ZNF438: variants seen among roughly 807,000 people sequenced by gnomAD.
The protein encoded by ZNF438 is zinc finger protein 438.
ZNF438 carries 25 observed loss-of-function variants against 38.0 expected under a neutral mutation model. That is an observed-to-expected ratio of 0.66 (90% CI 0.48 to 0.92). The LOEUF (loss-of-function observed/expected upper bound fraction) is 0.92, where lower values mean the gene tolerates loss of function less well. Among genes scored for constraint, ZNF438 ranks in the 40% least tolerant of loss-of-function variants. The pLI, the probability that ZNF438 is intolerant of heterozygous loss-of-function variation, is 0.00. For synonymous variants in ZNF438, 372 were observed against 364.1 expected, an observed-to-expected ratio of 1.02 and a Z score of -0.25; for missense variants, 1,007 against 999.6, an observed-to-expected ratio of 1.01 and a Z score of -0.10.
At chr10:30,938,616 C>T (rs2046499866) in intron 2 of ZNF438, among the ~76,000 whole-genome samples, 1 of 152,108 alleles carries the variant, frequency 6.6e-6, no homozygotes, top group Non-Finnish European at 1.5e-5. Flanking sequence ...TGAAATCCCA[C>T]CAGTATCCTT....
At chr10:30,881,422 CA>C (rs1564558975) in intron 3 of ZNF438, among the ~76,000 whole-genome samples, 2 of 151,930 alleles carry the variant, frequency 1.3e-5, no homozygotes, top group African/African-American at 4.8e-5. Context: ...ATAAGCCTGG[CA>C]AAGTATGTGA....
At chr10:30,858,019 T>C (rs2034963142) in intron 4 of ZNF438, among the ~76,000 whole-genome samples, 1 of 152,198 alleles carries the variant, frequency 6.6e-6, no homozygotes, top group East Asian at 1.9e-4. Flanking sequence ...TTCAACCTCT[T>C]CTGGTCGCTG....
At chr10:31,019,299 C>T (rs961215481) in intron 1 of ZNF438, among the ~76,000 whole-genome samples, 3 of 152,176 alleles carry the variant, frequency 2.0e-5, no homozygotes, top group Non-Finnish European at 2.9e-5. Flanking sequence ...ACCTCATCTC[C>T]TAATATTGTT....
intron 1 of ZNF438, among the ~76,000 whole-genome samples, chr10:31,024,565 T>C (rs1257528248): frequency 6.6e-6 from 1 of 152,106 alleles, no homozygotes; most frequent in Non-Finnish European, 1.5e-5. Flanking sequence ...GAGGCGGAGC[T>C]TGCAGTGAGC....
chr10:30,849,746 G>A, exon 5 of ZNF438: 1 of 1,614,196 alleles, frequency 6.2e-7, no homozygotes. Flanking sequence ...GGATGATGCT[G>A]GGGTAGCAGG....
In ZNF438 at chr10:31,018,374, G is replaced by A. The variant is rs147236069; in HGVS notation, c.-192+13459C>T. Among the ~76,000 whole-genome samples the A allele has an allele frequency of 3.3e-5, 5 of 152,244 alleles. No individual in the cohort carries two copies. In the East Asian group the frequency reaches 5.8e-4, roughly 18 times the overall value. On this transcript the variant is annotated intron_variant, in intron 1 of 5. Coordinates refer to ENST00000413025, the Ensembl canonical transcript of ZNF438. ...CCCTCTTGTAGTTACTGGCAAGGAC[G>A]AATCAACTCATATTAACAGTCTGAT...
chr10:30,934,159 G>GAAAAAAAA (rs34603319), intron 2 of ZNF438, among the ~76,000 whole-genome samples: 2 of 144,450 alleles, frequency 1.4e-5, no homozygotes, highest in Non-Finnish European at 3.0e-5. Context: ...AAAAGAAAAA[G>GAAAAAAAA]AAAAAAAAAA....
intron 2 of ZNF438, among the ~76,000 whole-genome samples, chr10:30,911,779 TCATTTTC>T (rs2043106003): frequency 6.6e-6 from 1 of 152,128 alleles, no homozygotes; most frequent in South Asian, 2.1e-4. Context: ...CATTTCACCT[TCATTTTC>T]CAAAGGAAAC....
At position 30,962,002 on chromosome 10, in the gene ZNF438, G is replaced by A. The variant is rs941578916; in HGVS notation, c.-191-20351C>T. On this transcript the variant is annotated intron_variant, in intron 1 of 5. Transcript: ENST00000413025. The stretch of plus-strand genomic sequence containing the variant: ...AAAGCTTGAAATAAGAAATTCTGTT[G>A]TAAAGTACTGGTTCTCTCCATCAGT... Among the ~76,000 whole-genome samples the A allele has an allele frequency of 1.4e-5, 2 of 146,336 alleles. 1 individual carries two copies. Among genetic ancestry groups the A allele is most frequent in the Non-Finnish European group, 3.1e-5 (2 of 64,648 alleles).
At chr10:30,855,956 G>A (rs1289691748) in intron 4 of ZNF438, among the ~76,000 whole-genome samples, 8 of 152,186 alleles carry the variant, frequency 5.3e-5, no homozygotes, top group East Asian at 1.9e-4. Flanking sequence ...CACCGAATAC[G>A]CTCTGTGCCT....
chr10:30,961,970 A>G (rs1292725149), intron 1 of ZNF438, among the ~76,000 whole-genome samples: 1 of 146,756 alleles, frequency 6.8e-6, no homozygotes, highest in African/African-American at 2.4e-5. Flanking sequence ...AGAGGCTAGT[A>G]CTTACAAAAG....
chr10:30,971,864 G>A (rs1396260300), intron 1 of ZNF438, among the ~76,000 whole-genome samples: 3 of 151,970 alleles, frequency 2.0e-5, no homozygotes, highest in South Asian at 2.1e-4. Flanking sequence ...TCAAAGTCTC[G>A]GAAGCCATAA....
Position 30,848,881 on chromosome 10 carries a change from T to A in ZNF438, c.1524A>T (p.Arg508Ser), listed in dbSNP as rs1439044185. Residue 508 changes from arginine (R) to serine (S), a missense_variant, in exon 5 of 6, where the codon AGA (arginine) becomes AGT (serine). Physicochemically the swap from Arg to Ser is moderately radical, Grantham distance 110 (BLOSUM62 -1). Coordinates refer to ENST00000413025, the Ensembl canonical transcript of ZNF438. ...GGAAGTGGTGGTTGCAGACGTGACA[T>A]CTGTGCCAAGGCTTCTTAATGCCAG... 6.2e-6 allele frequency: 10 copies of A among 1,614,098 alleles called. No homozygotes were observed. Among genetic ancestry groups the A allele is most frequent in the African/African-American group, 1.3e-5 (1 of 74,926 alleles).
chr10:30,991,321 A>C (rs918212440), intron 1 of ZNF438, among the ~76,000 whole-genome samples: 2 of 152,196 alleles, frequency 1.3e-5, no homozygotes, highest in Non-Finnish European at 1.5e-5. Flanking sequence ...CACAGCTGAG[A>C]GGGCCAGGGC....
chr10:30,961,852 C>T (rs1176344128), intron 1 of ZNF438, among the ~76,000 whole-genome samples: 1 of 141,964 alleles, frequency 7.0e-6, no homozygotes, highest in African/African-American at 2.5e-5. Flanking sequence ...TGCACCACTG[C>T]TCTCCAGCCT....
chr10:30,855,901 C>T (rs145504762), intron 4 of ZNF438, among the ~76,000 whole-genome samples: 14 of 152,246 alleles, frequency 9.2e-5, no homozygotes, highest in African/African-American at 3.4e-4. Flanking sequence ...GGTGGAGGGA[C>T]CTGGAGGAAC....
intron 1 of ZNF438, among the ~76,000 whole-genome samples, chr10:31,006,066 T>C (rs1041921947): frequency 2.0e-5 from 3 of 152,210 alleles, no homozygotes; most frequent in African/African-American, 2.4e-5. Flanking sequence ...CTATATTACA[T>C]GGTATGATAT....
At chr10:30,852,557 AG>A (rs1693182402) in intron 4 of ZNF438, among the ~76,000 whole-genome samples, 1 of 152,238 alleles carries the variant, frequency 6.6e-6, no homozygotes, top group East Asian at 1.9e-4. Flanking sequence ...CAATTTTAGC[AG>A]GAAGTTGATT....
intron 1 of ZNF438, among the ~76,000 whole-genome samples, chr10:30,980,309 T>C (rs1424589697): frequency 1.4e-5 from 2 of 141,598 alleles, no homozygotes; most frequent in African/African-American, 2.7e-5. Flanking sequence ...ACTGGAGAGA[T>C]ACAATGAGGA....
Sources: allele counts gnomAD v4.1 joint callset (sites outside exome capture counted in the v4.1 genomes callset), GRCh38; gene constraint gnomAD v4.1.1; transcripts MANE v1.5; gene names NCBI Gene and HGNC (gene_info 2026-07-23, HGNC 2026-07-21).